Variants in SVOPL observed in about 807,000 individuals in gnomAD.
SVOPL encodes putative transporter SVOPL.
Under a neutral mutation model 61.0 loss-of-function variants are expected in SVOPL, and 60 were observed. The ratio of observed to expected loss-of-function variants is 0.98; its 90% CI spans 0.80 to 1.22. The LOEUF (loss-of-function observed/expected upper bound fraction) is 1.22. Ranked by LOEUF, SVOPL falls within the 50% of genes most tolerant of loss-of-function variation. The pLI is 0.00. For synonymous variants in SVOPL, 279 were observed against 250.0 expected (o/e 1.12, Z -1.09); for missense variants, 662 against 643.9 (o/e 1.03, Z -0.30).
Position 138,682,412 on chromosome 7 carries a change from G to A in SVOPL, c.-34-3333C>T, listed in dbSNP as rs77102401. Among the ~76,000 whole-genome samples the A allele has an allele frequency of 5.8e-3, 877 of 152,236 alleles. 13 individuals carry two copies. The highest frequency in any genetic ancestry group is 0.02 in the African/African-American group (836 of 41,530). On this transcript the variant is annotated intron_variant, in intron 1 of 15. Coordinates refer to ENST00000674285, the MANE Select transcript of SVOPL (RefSeq NM_001139456.2). The stretch of plus-strand genomic sequence containing the variant: ...CATAAAGAGAAATGGAACCTGAATC[G>A]AATCAGGAATCTAGCTCTAGCTACC...
intron 13 of SVOPL, among the ~76,000 whole-genome samples, chr7:138,621,806 C>CTATG (rs1259533658): frequency 7.9e-6 from 1 of 126,022 alleles, no homozygotes; most frequent in Non-Finnish European, 1.7e-5. Flanking sequence ...ATCTATGTAT[C>CTATG]TATCTATGTA....
chr7:138,671,929 ACACCCTTT>A (rs1802429420), intron 4 of SVOPL, 82 bp downstream of exon 4: 1 of 1,176,342 alleles, frequency 8.5e-7, no homozygotes, highest in African/African-American at 1.5e-5. Context: ...CAGTGGTGAG[ACACCCTTT>A]GGCTCTCAGC....
intron 3 of SVOPL, among the ~76,000 whole-genome samples, chr7:138,672,527 T>C (rs2117110648): frequency 6.6e-6 from 1 of 152,218 alleles, no homozygotes; most frequent in South Asian, 2.1e-4. Flanking sequence ...AGCACACGCC[T>C]TATAAATGGA....
intron 14 of SVOPL, among the ~76,000 whole-genome samples, chr7:138,620,081 T>G (rs1446310534): frequency 6.6e-6 from 1 of 150,754 alleles, no homozygotes; most frequent in East Asian, 1.9e-4. Context: ...CCAGGTCATG[T>G]GGATTTCTGT....
At chr7:138,658,623 A>T (rs1031346976) in intron 6 of SVOPL, among the ~76,000 whole-genome samples, 4 of 152,122 alleles carry the variant, frequency 2.6e-5, no homozygotes, top group African/African-American at 9.7e-5. Context: ...TATTTCCTGT[A>T]ACAAAATATT....
intron 5 of SVOPL, chr7:138,661,794 G>C (rs1248487823): frequency 2.1e-6 from 2 of 941,498 alleles, no homozygotes; most frequent in South Asian, 9.8e-5. Flanking sequence ...TATATTCAGG[G>C]CAACTGGACT....
In SVOPL at chr7:138,663,046, C is replaced by T. The variant is rs530982719; in HGVS notation, c.345+28G>A. The T allele has an allele frequency of 1.9e-6, 3 of 1,613,928 alleles. No individual in the cohort carries two copies. The East Asian group carries it at 6.7e-5, about 36-fold the overall frequency. Reference sequence around the variant, plus strand: ...CCAAAAGAATACACAAAAGACAATTCCAAATGCTACTGTGAGGCCCCACCT... The same window carrying T: ...CCAAAAGAATACACAAAAGACAATTTCAAATGCTACTGTGAGGCCCCACCT... On this transcript the variant is annotated intron_variant, in intron 5 of 15. Transcript: ENST00000674285.
At chr7:138,603,943 C>T (rs1051894372) in intron 14 of SVOPL, among the ~76,000 whole-genome samples, 1 of 150,590 alleles carries the variant, frequency 6.6e-6, no homozygotes, top group Non-Finnish European at 1.5e-5. Context: ...GTCTCAAAAA[C>T]CTTAATTTAT....
At chr7:138,647,960 C>T (rs998659760) in intron 8 of SVOPL, among the ~76,000 whole-genome samples, 10 of 151,902 alleles carry the variant, frequency 6.6e-5, no homozygotes, top group African/African-American at 2.4e-4. Flanking sequence ...GAATGGCCAT[C>T]AAGGACCTTT....
At position 138,621,044 on chromosome 7, in the gene SVOPL, A is replaced by G. The variant is rs1329832908; in HGVS notation, c.1353+2T>C. The G allele has an allele frequency of 6.2e-7, 1 of 1,613,338 alleles. No homozygotes were observed. The highest frequency in any genetic ancestry group is 8.5e-7 in the Non-Finnish European group (1 of 1,179,642). On this transcript the variant is annotated splice_donor_variant, in intron 14 of 15. Transcript: ENST00000674285. LOFTEE classifies it high-confidence loss of function. ...CTCTCCCTGCAGGGTCCTTGGCTGT[A>G]CCTGGGATATAAATGGTGCCACCAT...
chr7:138,615,425 C>T lies in SVOPL; in HGVS notation c.1353+5621G>A, dbSNP rs573378812. Among the ~76,000 whole-genome samples, 637 of 151,970 alleles carry T rather than the reference C, an allele frequency of 4.2e-3. 7 individuals carry two copies. Among genetic ancestry groups the T allele is most frequent in the African/African-American group, 0.015 (604 of 41,450 alleles). On this transcript the variant is annotated intron_variant, in intron 14 of 15. Coordinates refer to ENST00000674285, the MANE Select transcript of SVOPL (RefSeq NM_001139456.2). ...ACAAAAAATTAGCCGGGCGTGGTGG[C>T]GGGCGCCTGTAGTCCCAGCTACTCG...
intron 14 of SVOPL, among the ~76,000 whole-genome samples, chr7:138,602,310 T>A (rs1371727230): frequency 6.6e-6 from 1 of 152,054 alleles, no homozygotes; most frequent in East Asian, 1.9e-4. Context: ...ATGCAAACAA[T>A]GTATTCATTG....
At chr7:138,611,911 G>C (rs1281268085) in intron 14 of SVOPL, among the ~76,000 whole-genome samples, 3 of 46,660 alleles carry the variant, frequency 6.4e-5, no homozygotes, top group African/African-American at 1.4e-4. Context: ...ACAGCTCATT[G>C]AGAACGGGCC....
intron 9 of SVOPL, among the ~76,000 whole-genome samples, chr7:138,643,410 G>A (rs1211825230): frequency 1.6e-5 from 2 of 124,230 alleles, no homozygotes; most frequent in Non-Finnish European, 3.2e-5. Context: ...GGGCAAGAGT[G>A]AGACTCCATC....
chr7:138,608,899 C>T (rs562195264), intron 14 of SVOPL, among the ~76,000 whole-genome samples: 24 of 152,184 alleles, frequency 1.6e-4, no homozygotes, highest in African/African-American at 5.3e-4. Context: ...TTGCCAAATA[C>T]GGAATATTTG....
At chr7:138,638,135 T>C (rs1800586481) in intron 9 of SVOPL, among the ~76,000 whole-genome samples, 2 of 151,436 alleles carry the variant, frequency 1.3e-5, no homozygotes, top group African/African-American at 4.9e-5. Flanking sequence ...TAAGTGGGTG[T>C]GGTGGCCCTT....
At chr7:138,651,152 C>A (rs1563119996) in intron 7 of SVOPL, among the ~76,000 whole-genome samples, 1 of 152,034 alleles carries the variant, frequency 6.6e-6, no homozygotes. Flanking sequence ...GTAGGACAGC[C>A]TAAAGGGGTA....
At chr7:138,639,678 A>G (rs1387238950) in intron 9 of SVOPL, among the ~76,000 whole-genome samples, 3 of 152,030 alleles carry the variant, frequency 2.0e-5, no homozygotes, top group East Asian at 1.9e-4. Context: ...GGAAGGGGGA[A>G]AAAAATCACC....
intron 6 of SVOPL, among the ~76,000 whole-genome samples, chr7:138,656,966 C>A (rs1013745492): frequency 5.3e-5 from 8 of 151,608 alleles, no homozygotes; most frequent in African/African-American, 1.9e-4. Flanking sequence ...CACCTGAGCC[C>A]AGGAGGTGGA....
Sources: gnomAD v4.1 joint callset for allele counts (sites outside exome capture counted in the v4.1 genomes callset) on GRCh38, gnomAD v4.1.1 for gene constraint, MANE v1.5 for transcripts, NCBI Gene and HGNC (gene_info 2026-07-23, HGNC 2026-07-21) for gene names.